The following MRE11 variants were observed in gnomAD, a reference collection of about 807,000 sequenced individuals.
The protein encoded by MRE11 is double-strand break repair protein MRE11.
MRE11 carries 62 observed loss-of-function variants against 91.7 expected under a neutral mutation model. The observed-to-expected ratio is 0.68, with a 90% CI of 0.55 to 0.84. The LOEUF is 0.84. MRE11 is among the 40% of genes least tolerant of loss of function. The pLI, the probability that MRE11 is intolerant of heterozygous loss-of-function variation, is 0.00. For synonymous variants in MRE11, 273 were observed against 271.4 expected (o/e 1.01, Z -0.06); for missense variants, 796 against 852.9 (o/e 0.93, Z 0.83).
the MRE11 span, among the ~76,000 whole-genome samples, chr11:94,512,137 T>A: frequency 1.3e-5 from 2 of 152,194 alleles, no homozygotes; most frequent in Non-Finnish European, 2.9e-5. Flanking sequence ...CAGTGATCTG[T>A]TCTGTCGGCT....
Position 94,471,154 on chromosome 11 carries a change from ACTT to A in MRE11, c.845+417_845+419del, listed in dbSNP as rs1946698919. Among the ~76,000 whole-genome samples, 3 of 152,186 alleles carry A rather than the reference ACTT, an allele frequency of 2.0e-5. No homozygotes were observed. In the South Asian group the frequency reaches 6.2e-4, roughly 32 times the overall value. On this transcript the variant is annotated intron_variant, in intron 8 of 19. Coordinates refer to ENST00000323929, the MANE Select transcript of MRE11 (RefSeq NM_005591.4). ...AAATTGAGTTTAATCACTGTTAACT[ACTT>A]CTTACAATCATATCATTCCCCCAAA...
At chr11:94,477,849 G>A (rs928779114) in intron 6 of MRE11, among the ~76,000 whole-genome samples, 1 of 152,158 alleles carries the variant, frequency 6.6e-6, no homozygotes. Flanking sequence ...GGTGGAGCAA[G>A]GAGAACAGTG....
chr11:94,494,160 G>A (rs1314551239), upstream of MRE11: 1 of 152,262 alleles, frequency 6.6e-6, no homozygotes, highest in Non-Finnish European at 1.5e-5. Flanking sequence ...AGGCCGCTTC[G>A]TGGTCCCCAG....
chr11:94,505,637 G>A, the MRE11 span, among the ~76,000 whole-genome samples: 1 of 152,074 alleles, frequency 6.6e-6, no homozygotes, highest in Admixed American at 6.6e-5. Flanking sequence ...TATTATTGAA[G>A]AAAGAAAAAT....
At position 94,418,530 on chromosome 11, in the gene MRE11, C is replaced by A. The variant is rs1234233416; in HGVS notation, c.*1595G>T. The A allele has an allele frequency of 8.6e-6, 2 of 232,812 alleles. No individual in the cohort carries two copies. Among genetic ancestry groups the A allele is most frequent in the Non-Finnish European group, 1.7e-5 (2 of 117,854 alleles). 14.4% of individuals were successfully genotyped at this position (232,812 alleles called of 1,614,324 possible). The stretch of plus-strand genomic sequence containing the variant: ...CCACTAGCTGATGTGGCCCACAGCT[C>A]AGACTGAGCCAGCATGGCTTGTGCA... On this transcript the variant is annotated 3_prime_UTR_variant, in exon 20 of 20. Coordinates refer to ENST00000323929, the MANE Select transcript of MRE11 (RefSeq NM_005591.4).
At position 94,464,674 on chromosome 11, in the gene MRE11, T is replaced by C. The variant is rs147917348; in HGVS notation, c.1099-435A>G. On this transcript the variant is annotated intron_variant, in intron 10 of 19. Coordinates refer to ENST00000323929, the MANE Select transcript of MRE11 (RefSeq NM_005591.4). ...TTAGAGATGTGCCTCAAGAGAAAGA[T>C]GAATGCTAGGAACATCCAGGTAATA... 2.9e-4 allele frequency among the ~76,000 whole-genome samples: 44 copies of C among 152,338 alleles called. No individual in the cohort carries two copies. In the East Asian group the frequency reaches 8.1e-3, roughly 28 times the overall value.
At chr11:94,462,500 G>A (rs747718208) in intron 11 of MRE11, among the ~76,000 whole-genome samples, 25 of 152,072 alleles carry the variant, frequency 1.6e-4, no homozygotes, top group Non-Finnish European at 1.3e-4. Flanking sequence ...ATCAAAGCTC[G>A]AGGCATCACC....
At chr11:94,425,184 G>T (rs1945278320) in intron 19 of MRE11, among the ~76,000 whole-genome samples, 1 of 152,252 alleles carries the variant, frequency 6.6e-6, no homozygotes, top group East Asian at 1.9e-4. Flanking sequence ...AGAGACTGGG[G>T]ACCTATTTTC....
rs779250359 is a variant in MRE11, at chr11:94,456,276, C to T, written c.1563G>A (p.Glu521=). 9.3e-6 allele frequency: 15 copies of T among 1,613,150 alleles called. No homozygotes were observed. Among genetic ancestry groups the T allele is most frequent in the Middle Eastern group, 1.7e-4 (1 of 6,058 alleles). The change falls in exon 14 of 20, where the codon GAG becomes GAA. Residue 521 remains glutamate (E), a splice_region_variant and synonymous_variant. Coordinates refer to ENST00000323929, the MANE Select transcript of MRE11 (RefSeq NM_005591.4). ...CAAGAATTTGCAGCAGAATAATTAC[C>T]TCACGGACTTCATCATCTTCTTCAT... ...NTNEEDDEVR[E]AMTRARALRS...
At chr11:94,488,894 T>C (rs1947211784) in intron 3 of MRE11, among the ~76,000 whole-genome samples, 1 of 152,162 alleles carries the variant, frequency 6.6e-6, no homozygotes, top group Admixed American at 6.5e-5. Context: ...CCCTGTCATA[T>C]GAGTTTACCT....
At chr11:94,434,006 G>A (rs76168301) in intron 18 of MRE11, among the ~76,000 whole-genome samples, 1 of 151,916 alleles carries the variant, frequency 6.6e-6, no homozygotes, top group Non-Finnish European at 1.5e-5. Flanking sequence ...CTAACTGATC[G>A]GCTGATCACC....
At chr11:94,451,215 G>A (rs1268635690) in intron 14 of MRE11, among the ~76,000 whole-genome samples, 1 of 151,530 alleles carries the variant, frequency 6.6e-6, no homozygotes, top group Non-Finnish European at 1.5e-5. Flanking sequence ...TGGGAGGGAA[G>A]ACCCAAGACT....
chr11:94,471,352 C>T (rs1357304106), intron 8 of MRE11, among the ~76,000 whole-genome samples: 2 of 152,028 alleles, frequency 1.3e-5, no homozygotes, highest in African/African-American at 4.8e-5. Context: ...GCCTAATGAG[C>T]AGCAAAATAA....
the MRE11 span, among the ~76,000 whole-genome samples, chr11:94,507,257 TCAA>T: frequency 1.3e-5 from 2 of 152,258 alleles, no homozygotes; most frequent in South Asian, 4.1e-4. Context: ...TTTATTTCAC[TCAA>T]CATTACATCT....
chr11:94,424,474 C>T (rs1565198943), intron 19 of MRE11, among the ~76,000 whole-genome samples: 2 of 152,166 alleles, frequency 1.3e-5, no homozygotes, highest in Non-Finnish European at 2.9e-5. Flanking sequence ...TCCAAATGAG[C>T]CTGCTAGCTC....
chr11:94,460,510 A>G (rs1042579035), intron 12 of MRE11, among the ~76,000 whole-genome samples: 3 of 152,254 alleles, frequency 2.0e-5, no homozygotes, highest in African/African-American at 4.8e-5. Flanking sequence ...AACAACAACA[A>G]TAACAGTTAT....
chr11:94,440,603 TAG>T (rs1292176831), intron 16 of MRE11, among the ~76,000 whole-genome samples: 1 of 151,968 alleles, frequency 6.6e-6, no homozygotes, highest in East Asian at 1.9e-4. Flanking sequence ...TGAAGAAAAA[TAG>T]AGAGGGCTAC....
At chr11:94,464,339 A>C in intron 10 of MRE11, 100 bp from the exon 11 acceptor site, 1 of 1,478,860 alleles carries the variant, frequency 6.8e-7, no homozygotes, top group Non-Finnish European at 9.3e-7. Flanking sequence ...TATGCTTGAT[A>C]CTTTGAAATT....
Position 94,459,558 on chromosome 11 carries a change from T to C in MRE11, c.1350A>G (p.Thr450=), listed in dbSNP as rs876660412. ...GTACTGCTTCACCCATCCCTCTTTC[T>C]GTTAGCAGTGAGAGCTGCACATTCT... is the stretch of plus-strand genomic sequence containing the variant. ...AEKNVQLSLL[T]ERGMGEAVQE... The change falls in exon 13 of 20, where the codon ACA becomes ACG. Residue 450 remains threonine (T), a synonymous_variant. Transcript: ENST00000323929. The C allele has an allele frequency of 6.2e-6, 10 of 1,613,930 alleles. No individual in the cohort carries two copies. In the Admixed American group the frequency reaches 1.2e-4, roughly 19 times the overall value.
Sources: allele counts gnomAD v4.1 joint callset (sites outside exome capture counted in the v4.1 genomes callset), GRCh38; gene constraint gnomAD v4.1.1; transcripts MANE v1.5; gene names NCBI Gene and HGNC (gene_info 2026-07-23, HGNC 2026-07-21).